The following ZNF652 variants were observed in gnomAD, a reference collection of about 807,000 sequenced individuals.
The protein encoded by ZNF652 is zinc finger protein 652.
A neutral mutation model predicts 45.2 loss-of-function variants in ZNF652; 16 were observed. That is an observed-to-expected ratio of 0.35 (90% confidence interval 0.24 to 0.54). ZNF652 has a LOEUF of 0.54. Among genes scored for constraint, ZNF652 ranks in the 20% least tolerant of loss-of-function variants. The pLI is 0.91. For missense variants in ZNF652, 614 were observed against 765.6 expected, an observed-to-expected ratio of 0.80 and a Z score of 2.34; for synonymous variants, 250 against 260.6, an observed-to-expected ratio of 0.96 and a Z score of 0.39.
intron 1 of ZNF652, among the ~76,000 whole-genome samples, chr17:49,337,355 GAA>G (rs1228535993): frequency 8.4e-6 from 1 of 119,088 alleles, no homozygotes; most frequent in Non-Finnish European, 1.8e-5. Flanking sequence ...AAAAAAAAAA[GAA>G]AAAAGAAAAA....
downstream of ZNF652, chr17:49,289,105 G>C (rs1245187594): frequency 1.3e-5 from 2 of 152,090 alleles, no homozygotes; most frequent in Admixed American, 1.3e-4. Flanking sequence ...AGGACTGCAG[G>C]ATTGTTCATT....
At position 49,298,773 on chromosome 17, in the gene ZNF652, G is replaced by T; in HGVS notation, c.1461C>A (p.His487Gln). ...TGGTCACCCGAAAGCACTTCTCCTT[G>T]TGGGCCTTAAGCATGTTCGAGAAGC... ...RFRFSNMLKA[H>Q]KEKCFRVTSP... Residue 487 changes from histidine to glutamine, a missense_variant, in exon 6 of 6, where the codon CAC becomes CAA. Coordinates refer to ENST00000430262, the MANE Select transcript of ZNF652 (RefSeq NM_001145365.3). The T allele has an allele frequency of 1.2e-6, 2 of 1,614,094 alleles. No individual in the cohort carries two copies. Among genetic ancestry groups the T allele is most frequent in the Non-Finnish European group, 1.7e-6 (2 of 1,180,030 alleles).
At chr17:49,298,995 T>A in intron 5 of ZNF652, 71 bp from the exon 6 acceptor site, 3 of 1,420,704 alleles carry the variant, frequency 2.1e-6, no homozygotes, top group Non-Finnish European at 2.8e-6. Flanking sequence ...TTTTTTTTTT[T>A]AATAGAAATG....
rs1294707855 is a variant in ZNF652, at chr17:49,297,535, A to G, written c.*878T>C. ...GGAGCCTCTCTTGAGTGTTAAGCAG[A>G]GATGTCAAAACTACCAAGTATTTAC... On this transcript the variant is annotated 3_prime_UTR_variant, in exon 6 of 6. Transcript: ENST00000430262. 1 of 152,632 alleles carries G rather than the reference A, an allele frequency of 6.6e-6. No individual in the cohort carries two copies. The highest frequency in any genetic ancestry group is 2.4e-5 in the African/African-American group (1 of 41,460). 9.5% of individuals were successfully genotyped at this position (152,632 alleles called of 1,614,324 possible).
intron 1 of ZNF652, among the ~76,000 whole-genome samples, chr17:49,331,924 G>C (rs565172416): frequency 1.3e-5 from 2 of 152,068 alleles, no homozygotes; most frequent in African/African-American, 4.8e-5. Flanking sequence ...AGCTGAGATC[G>C]CAGCACTGCA....
Position 49,298,313 on chromosome 17 carries a change from G to A in ZNF652, c.*100C>T, listed in dbSNP as rs896293646. On this transcript the variant is annotated 3_prime_UTR_variant, in exon 6 of 6. Transcript: ENST00000430262. ...CACTGGCGAAGCTCTTGGTAGAGGC[G>A]GAGGAGAGTCTGAGAACTAAGGAAA... 78 of 1,453,992 alleles carry A rather than the reference G, an allele frequency of 5.4e-5. No homozygotes were observed. The highest frequency in any genetic ancestry group is 6.7e-5 in the Non-Finnish European group (72 of 1,071,310). The allele number at this position is 1,453,992 out of a possible 1,614,324, so 90.1% of individuals were successfully genotyped here. A position where few individuals can be genotyped will look rare whatever the true frequency, so the allele number is the denominator to read the frequency against.
chr17:49,296,610 A>C lies in ZNF652; in HGVS notation c.*1803T>G, dbSNP rs2069480768. On this transcript the variant is annotated 3_prime_UTR_variant, in exon 6 of 6. Transcript: ENST00000430262. ...ACTGGGCATGGTAGCATGCACCTGTAGTCCCAGCTACTTGGTTAGCTGAGG... is the reference window on the plus strand; with the variant it reads ...ACTGGGCATGGTAGCATGCACCTGTCGTCCCAGCTACTTGGTTAGCTGAGG... 6.6e-6 allele frequency: 1 copy of C among 152,228 alleles called. No homozygotes were observed. Among genetic ancestry groups the C allele is most frequent in the African/African-American group, 2.4e-5 (1 of 41,460 alleles). 9.4% of individuals were successfully genotyped at this position (152,228 alleles called of 1,614,324 possible).
chr17:49,318,962 T>C (rs745963493), intron 1 of ZNF652, among the ~76,000 whole-genome samples: 8 of 152,250 alleles, frequency 5.3e-5, no homozygotes, highest in Non-Finnish European at 1.0e-4. Flanking sequence ...GTTCTGTGCA[T>C]AGCTCACTAC....
chr17:49,307,764 C>T (rs1009646548), intron 5 of ZNF652, among the ~76,000 whole-genome samples: 5 of 151,812 alleles, frequency 3.3e-5, no homozygotes, highest in East Asian at 3.9e-4. Context: ...AACAAACAAA[C>T]GACAACAACA....
At chr17:49,302,568 A>G (rs868398085) in intron 5 of ZNF652, among the ~76,000 whole-genome samples, 10 of 151,478 alleles carry the variant, frequency 6.6e-5, no homozygotes, top group African/African-American at 1.7e-4. Context: ...GATTACAGGC[A>G]TGAGCCACTG....
chr17:49,352,295 C>A (rs1368945189), intron 1 of ZNF652, among the ~76,000 whole-genome samples: 2 of 151,510 alleles, frequency 1.3e-5, no homozygotes, highest in Middle Eastern at 3.4e-3. Context: ...CAAGGACTAA[C>A]CTTTCCAAAT....
chr17:49,314,745 T>C (rs1049916485), intron 2 of ZNF652, among the ~76,000 whole-genome samples: 1 of 152,160 alleles, frequency 6.6e-6, no homozygotes, highest in African/African-American at 2.4e-5. Context: ...TCACTATAAA[T>C]AAAGATCTCT....
rs1271481391 is a variant in ZNF652, at chr17:49,295,951, A to C, written c.*2462T>G. On this transcript the variant is annotated 3_prime_UTR_variant, in exon 6 of 6. Transcript: ENST00000430262. ...AGACTCTGCCTCAAAAAAAAAAAAA[A>C]AAAAAAAAAAAAAACAGAACAAAAT... The C allele has an allele frequency of 3.9e-5, 5 of 129,842 alleles. No individual in the cohort carries two copies. Among genetic ancestry groups the C allele is most frequent in the East Asian group, 1.9e-4 (1 of 5,178 alleles). The allele number at this position is 129,842 out of a possible 1,614,324, so 8.0% of individuals were successfully genotyped here.
At chr17:49,347,342 A>G (rs1598314259) in intron 1 of ZNF652, among the ~76,000 whole-genome samples, 2 of 152,268 alleles carry the variant, frequency 1.3e-5, no homozygotes, top group South Asian at 4.1e-4. Context: ...CGATGTGTGG[A>G]TTGCTTGAAC....
intron 5 of ZNF652, among the ~76,000 whole-genome samples, chr17:49,305,208 G>C (rs868209673): frequency 3.3e-5 from 5 of 152,054 alleles, no homozygotes; most frequent in African/African-American, 1.2e-4. Flanking sequence ...ATTTTAAAAA[G>C]TTCATTCAAA....
At chr17:49,358,529 G>T (rs1404482355) in intron 1 of ZNF652, among the ~76,000 whole-genome samples, 1 of 152,124 alleles carries the variant, frequency 6.6e-6, no homozygotes, top group African/African-American at 2.4e-5. Context: ...TGAAATTCAA[G>T]AGTATAGTCA....
At position 49,298,345 on chromosome 17, in the gene ZNF652, C is replaced by A; in HGVS notation, c.*68G>T. ...AGTCTGAGAACTAAGGAAATGCTCA[C>A]CGACTCCCTCTGTGCACGCTCACAC... On this transcript the variant is annotated 3_prime_UTR_variant, in exon 6 of 6. Transcript: ENST00000430262. 6.3e-7 allele frequency: 1 copy of A among 1,582,072 alleles called. No homozygotes were observed. The highest frequency in any genetic ancestry group is 1.7e-5 in the Admixed American group (1 of 57,276).
intron 5 of ZNF652, among the ~76,000 whole-genome samples, chr17:49,301,063 A>G (rs1305232314): frequency 6.6e-6 from 1 of 151,686 alleles, no homozygotes; most frequent in Non-Finnish European, 1.5e-5. Context: ...CTACTTTGGG[A>G]CTCCTTTTTT....
intron 1 of ZNF652, among the ~76,000 whole-genome samples, chr17:49,358,804 T>C (rs568327009): frequency 1.4e-4 from 22 of 152,354 alleles, no homozygotes; most frequent in Non-Finnish European, 3.1e-4. Flanking sequence ...AAGTAGGTGC[T>C]GTTTCCCTTG....
Sources: gnomAD v4.1 joint callset for allele counts (sites outside exome capture counted in the v4.1 genomes callset) on GRCh38, gnomAD v4.1.1 for gene constraint, MANE v1.5 for transcripts, NCBI Gene and HGNC (gene_info 2026-07-23, HGNC 2026-07-21) for gene names.